Variants in RASGRF1 observed in about 807,000 individuals in gnomAD.
RASGRF1 encodes Ras protein specific guanine nucleotide releasing factor 1.
RASGRF1 carries 40 observed loss-of-function variants against 138.7 expected under a neutral mutation model. The observed-to-expected ratio is 0.29, with a 90% CI of 0.22 to 0.38. The LOEUF is 0.38. Ranked by LOEUF, RASGRF1 falls within the 10% of genes least tolerant of loss-of-function variation. The pLI is 1.00. For missense variants in RASGRF1, 1,108 were observed against 1,650.4 expected (o/e 0.67, Z 5.69); for synonymous variants, 614 against 663.2 (o/e 0.93, Z 1.14).
At chr15:79,059,241 T>A (rs1422183639) in intron 2 of RASGRF1, among the ~76,000 whole-genome samples, 9 of 109,596 alleles carry the variant, frequency 8.2e-5, no homozygotes, top group African/African-American at 1.2e-4. Context: ...TCCCTTCCCT[T>A]CCCTTCCCTA....
chr15:78,991,661 G>T (rs765022114), intron 21 of RASGRF1, 30 bp downstream of exon 21: 2 of 1,564,290 alleles, frequency 1.3e-6, no homozygotes, highest in Non-Finnish European at 8.8e-7. Flanking sequence ...GAGGAAGCGG[G>T]GGGAGGCGGG....
At chr15:79,015,217 C>G in intron 13 of RASGRF1, 110 bp downstream of exon 13, 1 of 1,056,156 alleles carries the variant, frequency 9.5e-7, no homozygotes, top group East Asian at 2.5e-5. Context: ...AAGACAAAGC[C>G]CAGCATCTCT....
intron 3 of RASGRF1, among the ~76,000 whole-genome samples, chr15:79,053,402 A>G (rs1751971171): frequency 1.3e-5 from 2 of 152,130 alleles, no homozygotes; most frequent in Non-Finnish European, 1.5e-5. Flanking sequence ...CCACCTGCAA[A>G]CTCCTATGCT....
At chr15:78,966,988 T>C (rs1206390432) in intron 26 of RASGRF1, among the ~76,000 whole-genome samples, 1 of 152,170 alleles carries the variant, frequency 6.6e-6, no homozygotes, top group Non-Finnish European at 1.5e-5. Flanking sequence ...TAGTTAATTT[T>C]ACCTATTTCT....
intron 3 of RASGRF1, 84 bp from the exon 4 acceptor site, chr15:79,049,672 G>C: frequency 2.5e-6 from 3 of 1,185,494 alleles, no homozygotes; most frequent in South Asian, 2.9e-5. Flanking sequence ...GCAGGAACAG[G>C]GTGGCAGCCG....
At chr15:79,016,898 A>T (rs2056886528) in intron 12 of RASGRF1, among the ~76,000 whole-genome samples, 1 of 152,170 alleles carries the variant, frequency 6.6e-6, no homozygotes, top group Non-Finnish European at 1.5e-5. Context: ...GGCCTCCTGC[A>T]ACCCTCTAGA....
intron 14 of RASGRF1, chr15:79,005,214 A>G: frequency 1.0e-6 from 1 of 985,492 alleles, no homozygotes; most frequent in Non-Finnish European, 1.2e-6. Flanking sequence ...GGAGGAGGGA[A>G]CAGAAGAGGG....
In RASGRF1 at chr15:79,006,099, G is replaced by T; in HGVS notation, c.2075+87C>A. 1 of 1,564,702 alleles carries T rather than the reference G, an allele frequency of 6.4e-7. No homozygotes were observed. The highest frequency in any genetic ancestry group is 1.2e-5 in the South Asian group (1 of 84,458). ...CTGCTGCTCCTCCAGGGACCTTCCA[G>T]GTCACCCCCCGGCCCCGTGCAAGCT... On this transcript the variant is annotated intron_variant, in intron 14 of 26. Coordinates refer to ENST00000558480, the MANE Select transcript of RASGRF1 (RefSeq NM_001145648.3). This position sits in a 1 kb window ranked among gnomAD's most constrained non-coding sequence, Gnocchi z 4.0.
intron 1 of RASGRF1, among the ~76,000 whole-genome samples, chr15:79,079,258 C>T (rs1658682485): frequency 6.6e-6 from 1 of 152,192 alleles, no homozygotes; most frequent in Non-Finnish European, 1.5e-5. Context: ...AGCCTGCCCT[C>T]CCCTTTTCAA....
chr15:79,042,224 C>T (rs1052256520), intron 5 of RASGRF1, among the ~76,000 whole-genome samples: 1 of 152,208 alleles, frequency 6.6e-6, no homozygotes, highest in Non-Finnish European at 1.5e-5. Context: ...TTCCCAAGGA[C>T]CTTTTAAAAT....
intron 24 of RASGRF1, among the ~76,000 whole-genome samples, chr15:78,977,032 G>C (rs959648822): frequency 6.6e-6 from 1 of 152,356 alleles, no homozygotes; most frequent in Admixed American, 6.5e-5. Context: ...CCCCCAAACT[G>C]GATGTTTCTT....
At chr15:79,056,964 G>T (rs1408189601) in intron 3 of RASGRF1, among the ~76,000 whole-genome samples, 1 of 152,204 alleles carries the variant, frequency 6.6e-6, no homozygotes, top group Non-Finnish European at 1.5e-5. Context: ...GGTTCTTGGA[G>T]CCTTGGTTCA....
chr15:79,072,369 G>A (rs539478925), intron 1 of RASGRF1, among the ~76,000 whole-genome samples: 16 of 135,158 alleles, frequency 1.2e-4, no homozygotes, highest in East Asian at 4.7e-4. Context: ...TCTGCCTCCC[G>A]GGTTCATGCC....
chr15:78,995,839 C>T (rs375192909), intron 19 of RASGRF1, 39 bp from the exon 20 acceptor site: 15 of 1,606,956 alleles, frequency 9.3e-6, no homozygotes, highest in Middle Eastern at 1.7e-4. Flanking sequence ...CCCCACTTCA[C>T]GTTGCAGCAG....
At chr15:79,037,102 C>T (rs753074595) in intron 5 of RASGRF1, among the ~76,000 whole-genome samples, 27 of 152,090 alleles carry the variant, frequency 1.8e-4, no homozygotes, top group Non-Finnish European at 2.6e-4. Context: ...GACCCCCAAA[C>T]GAGTTTGTTG....
chr15:79,068,486 T>C (rs557819294), intron 1 of RASGRF1, among the ~76,000 whole-genome samples: 1 of 66,512 alleles, frequency 1.5e-5, no homozygotes, highest in Non-Finnish European at 2.7e-5. Context: ...TATATATATA[T>C]ATATATACAC....
At chr15:78,991,003 C>T (rs1004440851) in intron 21 of RASGRF1, among the ~76,000 whole-genome samples, 3 of 152,188 alleles carry the variant, frequency 2.0e-5, no homozygotes, top group African/African-American at 2.4e-5. Context: ...GATTCAAATC[C>T]GGTGAGCCCA....
At chr15:79,019,068 C>CGT (rs147205114) in intron 11 of RASGRF1, among the ~76,000 whole-genome samples, 20,903 of 151,274 alleles carry the variant, frequency 0.14, 1,803 homozygotes, top group Middle Eastern at 0.22. Context: ...TGCATGAGGG[C>CGT]GTGTGTGTGT....
At position 79,064,405 on chromosome 15, in the gene RASGRF1, G is replaced by C; in HGVS notation, c.383+15C>G. On this transcript the variant is annotated intron_variant, in intron 2 of 26. Coordinates refer to ENST00000558480, the MANE Select transcript of RASGRF1 (RefSeq NM_001145648.3). ...TGTGGAGTAGGGGCTTCCTGCCCTG[G>C]GCAAGGAGACATACCTGGCATGTGC... The C allele has an allele frequency of 6.2e-7, 1 of 1,611,076 alleles. No individual in the cohort carries two copies. Among genetic ancestry groups the C allele is most frequent in the Non-Finnish European group, 8.5e-7 (1 of 1,177,308 alleles).
Sources: gnomAD v4.1 joint callset for allele counts (sites outside exome capture counted in the v4.1 genomes callset) on GRCh38, gnomAD v4.1.1 for gene constraint, Gnocchi (gnomAD v3.1) non-coding constraint, MANE v1.5 for transcripts, NCBI Gene and HGNC (gene_info 2026-07-23, HGNC 2026-07-21) for gene names.